PSMA8: variants seen among roughly 807,000 people sequenced by gnomAD.
PSMA8 encodes proteasome subunit alpha-type 8.
Under a neutral mutation model 32.4 loss-of-function variants are expected in PSMA8, and 18 were observed. The observed-to-expected ratio is 0.56, with a 90% confidence interval of 0.38 to 0.82. The LOEUF (loss-of-function observed/expected upper bound fraction) is 0.82. PSMA8 is among the 40% of genes least tolerant of loss of function. The probability of loss-of-function intolerance (pLI) is 0.00; values close to 1 mark genes in which losing one functional copy is unlikely to be tolerated. For synonymous variants in PSMA8, 104 were observed against 98.1 expected, an observed-to-expected ratio of 1.06 and a Z score of -0.36; for missense variants, 298 against 300.7, an observed-to-expected ratio of 0.99 and a Z score of 0.07.
rs1413389250 is a variant in PSMA8, at chr18:26,168,443, C to T, written c.477+10199C>T. Among the ~76,000 whole-genome samples, 8 of 115,214 alleles carry T rather than the reference C, an allele frequency of 6.9e-5. 1 individual carries two copies. Among genetic ancestry groups the T allele is most frequent in the African/African-American group, 2.0e-4 (4 of 20,398 alleles). The allele number at this position is 115,214 out of a possible 152,430, so 75.6% of individuals were successfully genotyped here. ...TGTATTATGCTCTTCCTATCCTGTACTTCTTTCTGCCCTAGAATGATTGCC... is the reference window on the plus strand; with the variant it reads ...TGTATTATGCTCTTCCTATCCTGTATTTCTTTCTGCCCTAGAATGATTGCC... On this transcript the variant is annotated intron_variant, in intron 4 of 6. Transcript: ENST00000415576.
intron 3 of PSMA8, 95 bp from the exon 4 acceptor site, chr18:26,158,027 A>T: frequency 1.3e-6 from 1 of 771,342 alleles, no homozygotes; most frequent in Non-Finnish European, 2.0e-6. Context: ...AATAAGAATT[A>T]GGGAAGTGGA....
intron 4 of PSMA8, among the ~76,000 whole-genome samples, chr18:26,172,738 T>G (rs2055233350): frequency 6.6e-6 from 1 of 152,092 alleles, no homozygotes; most frequent in African/African-American, 2.4e-5. Flanking sequence ...AACTACCACC[T>G]CATTTTGCAG....
At chr18:26,160,062 GC>G (rs1295837567) in intron 4 of PSMA8, among the ~76,000 whole-genome samples, 19 of 152,100 alleles carry the variant, frequency 1.2e-4, no homozygotes, top group Admixed American at 5.2e-4. Context: ...AGCACTTTGG[GC>G]AGCCAAGGCA....
rs754524035 is a variant in PSMA8, at chr18:26,144,697, C to T, written c.229+12C>T. On this transcript the variant is annotated intron_variant, in intron 2 of 6. Transcript: ENST00000415576. ...CATGGCTTTTGCAGGTACTTAAGGT[C>T]CTACAATAATGATGCATAGTGTCTT... 8 of 1,613,010 alleles carry T rather than the reference C, an allele frequency of 5.0e-6. No homozygotes were observed. The highest frequency in any genetic ancestry group is 5.1e-6 in the Non-Finnish European group (6 of 1,179,356).
intron 6 of PSMA8, among the ~76,000 whole-genome samples, chr18:26,185,368 C>T (rs141624961): frequency 6.6e-6 from 1 of 150,762 alleles, no homozygotes; most frequent in Non-Finnish European, 1.5e-5. Context: ...TCTCATGTAT[C>T]TAGATTTTTC....
rs555537221 is a variant in PSMA8 at position 26,166,680 on chromosome 18, A to G, written c.477+8436A>G. Among the ~76,000 whole-genome samples, 6 of 152,236 alleles carry G rather than the reference A, an allele frequency of 3.9e-5. No individual in the cohort carries two copies. In the South Asian group the frequency reaches 1.2e-3, roughly 32 times the overall value. ...AACAGCCCATCTTTTACGGAACTTC[A>G]TTTTTACTTGACAAAACAATAAATA... On this transcript the variant is annotated intron_variant, in intron 4 of 6. Coordinates refer to ENST00000415576, the MANE Select transcript of PSMA8 (RefSeq NM_001025096.2).
intron 1 of PSMA8, among the ~76,000 whole-genome samples, chr18:26,138,596 T>C (rs1424704765): frequency 1.3e-5 from 2 of 152,244 alleles, no homozygotes; most frequent in East Asian, 3.8e-4. Context: ...TTTCTTCTTC[T>C]TCTTTTTTGG....
intron 4 of PSMA8, among the ~76,000 whole-genome samples, chr18:26,172,772 G>A (rs1334936524): frequency 2.6e-5 from 4 of 152,166 alleles, no homozygotes; most frequent in African/African-American, 9.7e-5. Flanking sequence ...TTTCGTGATG[G>A]TGCCAGTTCC....
intron 4 of PSMA8, among the ~76,000 whole-genome samples, chr18:26,176,236 T>C (rs2055263058): frequency 6.6e-6 from 1 of 152,076 alleles, no homozygotes. Flanking sequence ...AAGAAGTGGA[T>C]AGGAAAGTCA....
In PSMA8 at chr18:26,192,538, A is replaced by G; in HGVS notation, c.*127A>G. 1 of 1,117,222 alleles carries G rather than the reference A, an allele frequency of 9.0e-7. No individual in the cohort carries two copies. Among genetic ancestry groups the G allele is most frequent in the Non-Finnish European group, 1.2e-6 (1 of 842,738 alleles). 69.2% of individuals were successfully genotyped at this position (1,117,222 alleles called of 1,614,324 possible). A position where few individuals can be genotyped will look rare whatever the true frequency, so the allele number is the denominator to read the frequency against. ...CATGCAGTACTTGTGTGATGTTTTG[A>G]GAATGCCAGATCTGTGGCTGTCTTC... On this transcript the variant is annotated 3_prime_UTR_variant, in exon 7 of 7. Transcript: ENST00000415576.
At position 26,188,885 on chromosome 18, in the gene PSMA8, T is replaced by A. The variant is rs146366237; in HGVS notation, c.661-3434T>A. ...AGCCTGTGACCTCAATCTATAAAAC[T>A]ACTACAAAAACATTGGAGAAAATCC... On this transcript the variant is annotated intron_variant, in intron 6 of 6. Transcript: ENST00000415576. 3.3e-3 allele frequency among the ~76,000 whole-genome samples: 502 copies of A among 152,246 alleles called. 3 individuals carry two copies. The highest frequency in any genetic ancestry group is 0.011 in the African/African-American group (471 of 41,556).
At chr18:26,155,246 A>G (rs1461336129) in intron 3 of PSMA8, among the ~76,000 whole-genome samples, 3 of 152,054 alleles carry the variant, frequency 2.0e-5, no homozygotes, top group African/African-American at 7.2e-5. Flanking sequence ...AAAAAAGAAA[A>G]GGCTCATTAA....
At position 26,170,365 on chromosome 18, in the gene PSMA8, C is replaced by T. The variant is rs2055211200; in HGVS notation, c.478-8465C>T. On this transcript the variant is annotated intron_variant, in intron 4 of 6. Transcript: ENST00000415576. The stretch of plus-strand genomic sequence containing the variant: ...TACACGTAGGAATCTTTTGGTATTT[C>T]CACTAGTGAAACTGCTCAGTTGAAG... Among the ~76,000 whole-genome samples, 3 of 131,496 alleles carry T rather than the reference C, an allele frequency of 2.3e-5. 1 individual carries two copies. Among genetic ancestry groups the T allele is most frequent in the African/African-American group, 1.2e-4 (3 of 24,240 alleles). 86.3% of individuals were successfully genotyped at this position (131,496 alleles called of 152,430 possible).
chr18:26,190,491 G>A (rs1469653067), intron 6 of PSMA8, among the ~76,000 whole-genome samples: 4 of 152,208 alleles, frequency 2.6e-5, no homozygotes, highest in Non-Finnish European at 5.9e-5. Context: ...GCTCATGCCT[G>A]TAATCCCAGC....
chr18:26,170,367 A>G lies in PSMA8; in HGVS notation c.478-8463A>G, dbSNP rs1382332288. 3.8e-5 allele frequency among the ~76,000 whole-genome samples: 5 copies of G among 131,582 alleles called. 1 individual carries two copies. Among genetic ancestry groups the G allele is most frequent in the African/African-American group, 8.2e-5 (2 of 24,278 alleles). The allele number at this position is 131,582 out of a possible 152,430, so 86.3% of individuals were successfully genotyped here. A position where few individuals can be genotyped will look rare whatever the true frequency, so the allele number is the denominator to read the frequency against. On this transcript the variant is annotated intron_variant, in intron 4 of 6. Coordinates refer to ENST00000415576, the MANE Select transcript of PSMA8 (RefSeq NM_001025096.2). ...CACGTAGGAATCTTTTGGTATTTCC[A>G]CTAGTGAAACTGCTCAGTTGAAGGG...
At chr18:26,157,116 A>G (rs2055096337) in intron 3 of PSMA8, among the ~76,000 whole-genome samples, 2 of 151,792 alleles carry the variant, frequency 1.3e-5, no homozygotes, top group Non-Finnish European at 2.9e-5. Flanking sequence ...TAAAATACAT[A>G]TAATAAAATT....
chr18:26,158,326 A>G (rs2055107808), intron 4 of PSMA8, 82 bp downstream of exon 4: 1 of 1,131,444 alleles, frequency 8.8e-7, no homozygotes. Context: ...AGAGACATGA[A>G]AAATTATGTT....
At chr18:26,136,665 A>G (rs997886427) in intron 1 of PSMA8, among the ~76,000 whole-genome samples, 4 of 152,196 alleles carry the variant, frequency 2.6e-5, no homozygotes, top group Admixed American at 1.3e-4. Context: ...ACCACAGAAT[A>G]TTGTACAGTA....
intron 1 of PSMA8, among the ~76,000 whole-genome samples, chr18:26,136,014 A>C (rs1021705359): frequency 6.6e-6 from 1 of 151,438 alleles, no homozygotes; most frequent in Non-Finnish European, 1.5e-5. Flanking sequence ...TATTCTGTCT[A>C]GAAGTGAAAA....
Sources: gnomAD v4.1 joint callset for allele counts (sites outside exome capture counted in the v4.1 genomes callset) on GRCh38, gnomAD v4.1.1 for gene constraint, MANE v1.5 for transcripts, NCBI Gene and HGNC (gene_info 2026-07-23, HGNC 2026-07-21) for gene names.